The following PTCSC3 variants were observed in gnomAD, a reference collection of about 807,000 sequenced individuals.
PTCSC3 encodes papillary thyroid carcinoma susceptibility candidate 3 (non-protein coding).
chr14:36,167,326 C>A (rs1882109037), intron 1 of PTCSC3, among the ~76,000 whole-genome samples: 1 of 152,076 alleles, frequency 6.6e-6, no homozygotes, highest in African/African-American at 2.4e-5. Context: ...TCTCTGCACA[C>A]TGGTGAAAAG....
At chr14:36,165,257 G>C (rs1882063268) in intron 1 of PTCSC3, 1 of 152,208 alleles carries the variant, frequency 6.6e-6, no homozygotes, top group Admixed American at 6.5e-5. Context: ...AAAGACATTA[G>C]AGGAAGCAGG....
intron 1 of PTCSC3, among the ~76,000 whole-genome samples, chr14:36,175,738 C>A (rs567235913): frequency 1.3e-5 from 2 of 152,314 alleles, no homozygotes; most frequent in East Asian, 3.9e-4. Flanking sequence ...TTTAACTTGT[C>A]TTTGGGATCA....
At chr14:36,172,479 C>G (rs978733948) in intron 1 of PTCSC3, among the ~76,000 whole-genome samples, 20 of 151,970 alleles carry the variant, frequency 1.3e-4, no homozygotes, top group Admixed American at 9.2e-4. Flanking sequence ...GTAAATAACT[C>G]TAACTACCAG....
At chr14:36,170,650 T>C (rs1882174488) in intron 1 of PTCSC3, among the ~76,000 whole-genome samples, 1 of 152,168 alleles carries the variant, frequency 6.6e-6, no homozygotes, top group South Asian at 2.1e-4. Flanking sequence ...CAGCAACCTG[T>C]ACCATACTTG....
chr14:36,148,720 A>G (rs771361764), intron 3 of PTCSC3, among the ~76,000 whole-genome samples: 16 of 152,166 alleles, frequency 1.1e-4, no homozygotes, highest in Admixed American at 8.5e-4. Flanking sequence ...ATTCAGGCCT[A>G]TTCAGATGGT....
At chr14:36,155,266 A>G (rs1171607665) in intron 2 of PTCSC3, among the ~76,000 whole-genome samples, 1 of 152,210 alleles carries the variant, frequency 6.6e-6, no homozygotes, top group Non-Finnish European at 1.5e-5. Context: ...AATGTAAATC[A>G]GGGAAAAGAA....
chr14:36,150,717 G>A (rs1056641657), intron 3 of PTCSC3, among the ~76,000 whole-genome samples: 1 of 152,008 alleles, frequency 6.6e-6, no homozygotes, highest in African/African-American at 2.4e-5. Context: ...TTGACCTAGA[G>A]TTTTCAATAT....
chr14:36,153,702 A>T (rs1244227992), intron 3 of PTCSC3: 1 of 152,196 alleles, frequency 6.6e-6, no homozygotes, highest in East Asian at 1.9e-4. Context: ...TAGTAGAAAC[A>T]TTCAGATTCT....
intron 3 of PTCSC3, among the ~76,000 whole-genome samples, chr14:36,148,477 C>T (rs866216670): frequency 1.3e-5 from 2 of 152,240 alleles, no homozygotes; most frequent in African/African-American, 4.8e-5. Context: ...AACTCCCTGA[C>T]CCCTTGGGCT....
chr14:36,147,616 C>T (rs921414387), intron 3 of PTCSC3, among the ~76,000 whole-genome samples: 12 of 151,884 alleles, frequency 7.9e-5, no homozygotes, highest in Admixed American at 2.6e-4. Flanking sequence ...AATTTCCTCC[C>T]GTAGCTCAGA....
At chr14:36,135,915 G>GTA (rs1566500368), downstream of PTCSC3, among the ~76,000 whole-genome samples, 1 of 148,414 alleles carries the variant, frequency 6.7e-6, no homozygotes, top group Non-Finnish European at 1.5e-5. Flanking sequence ...GTGTGTGTGT[G>GTA]TATATGTGTG....
chr14:36,141,883 T>C (rs1270254380), intron 3 of PTCSC3, among the ~76,000 whole-genome samples: 1 of 152,244 alleles, frequency 6.6e-6, no homozygotes, highest in East Asian at 1.9e-4. Context: ...TATATTAACA[T>C]TGTGTCATGC....
At chr14:36,148,927 G>C (rs1011091875) in intron 3 of PTCSC3, among the ~76,000 whole-genome samples, 5 of 151,970 alleles carry the variant, frequency 3.3e-5, no homozygotes, top group Non-Finnish European at 7.4e-5. Flanking sequence ...CTGGCTAAGG[G>C]TTTATCAATT....
chr14:36,139,119 T>TAAAAA (rs370864635), intron 3 of PTCSC3, among the ~76,000 whole-genome samples: 106 of 106,538 alleles, frequency 9.9e-4, no homozygotes, highest in African/African-American at 1.8e-3. Context: ...ATCTCAAAAA[T>TAAAAA]AAAAAAAAAA....
At chr14:36,157,047 C>T (rs886858689) in intron 2 of PTCSC3, among the ~76,000 whole-genome samples, 1 of 152,192 alleles carries the variant, frequency 6.6e-6, no homozygotes, top group Non-Finnish European at 1.5e-5. Flanking sequence ...AAAAGCTTTC[C>T]TATTTCTCCA....
chr14:36,163,244 T>A (rs114240021), intron 1 of PTCSC3, among the ~76,000 whole-genome samples: 3,319 of 151,878 alleles, frequency 0.022, 124 homozygotes, highest in Admixed American at 0.085. Context: ...TTGAAAAGAA[T>A]AAAATAAGCA....
chr14:36,157,250 GGTT>G (rs1242115567), intron 2 of PTCSC3, among the ~76,000 whole-genome samples: 18 of 152,100 alleles, frequency 1.2e-4, no homozygotes, highest in East Asian at 7.7e-4. Context: ...TTTTTGATAG[GGTT>G]GTTTTTTTCT....
chr14:36,150,557 G>GGTA, intron 3 of PTCSC3, among the ~76,000 whole-genome samples: 1 of 152,182 alleles, frequency 6.6e-6, no homozygotes, highest in Admixed American at 6.5e-5. Flanking sequence ...TATTGATACA[G>GGTA]TTGAATACCT....
chr14:36,154,314 C>T (rs183965877), intron 2 of PTCSC3, among the ~76,000 whole-genome samples: 112 of 152,086 alleles, frequency 7.4e-4, no homozygotes, highest in African/African-American at 2.5e-3. Flanking sequence ...AACTTATGTA[C>T]ATTATTACTT....
Sources: allele counts gnomAD v4.1 joint callset (sites outside exome capture counted in the v4.1 genomes callset), GRCh38; gene constraint gnomAD v4.1.1; transcripts MANE v1.5; gene names NCBI Gene and HGNC (gene_info 2026-07-23, HGNC 2026-07-21).